The following PLEKHA1 variants were observed in gnomAD, a reference collection of about 807,000 sequenced individuals.
The protein encoded by PLEKHA1 is pleckstrin homology domain containing A1, also known as pleckstrin homology domain-containing family A member 1.
PLEKHA1 carries 34 observed loss-of-function variants against 52.0 expected under a neutral mutation model. The observed-to-expected ratio is 0.65, with a 90% CI of 0.50 to 0.87. The LOEUF (loss-of-function observed/expected upper bound fraction) is 0.87. Among genes scored for constraint, PLEKHA1 ranks in the 40% least tolerant of loss-of-function variants. PLEKHA1 has a pLI of 0.00. For synonymous variants in PLEKHA1, 163 were observed against 170.7 expected (o/e 0.95, Z 0.35); for missense variants, 497 against 504.2 (o/e 0.99, Z 0.14).
At chr10:122,396,614 C>T (rs2096852561) in intron 2 of PLEKHA1, among the ~76,000 whole-genome samples, 1 of 152,004 alleles carries the variant, frequency 6.6e-6, no homozygotes, top group Non-Finnish European at 1.5e-5. Flanking sequence ...AATGTCTAGG[C>T]TTCCAGTTAC....
chr10:122,427,447 C>A (rs1000381532), intron 11 of PLEKHA1, among the ~76,000 whole-genome samples: 2 of 152,092 alleles, frequency 1.3e-5, no homozygotes, highest in African/African-American at 4.8e-5. Flanking sequence ...GATTTCAGTT[C>A]AGGTTTTTTG....
At chr10:122,429,528 G>GTGTGTGTGTGTA in intron 11 of PLEKHA1, 96 bp from the exon 12 acceptor site, 1 of 802,718 alleles carries the variant, frequency 1.2e-6, no homozygotes, top group African/African-American at 2.0e-5. Context: ...GTGTGTGTGT[G>GTGTGTGTGTGTA]TGTTTTATTT....
At chr10:122,418,131 T>G (rs1022548361) in intron 8 of PLEKHA1, 163 bp downstream of exon 8, 2 of 501,506 alleles carry the variant, frequency 4.0e-6, no homozygotes, top group Non-Finnish European at 6.9e-6. Flanking sequence ...TAATGATATT[T>G]TTCTTAAATA....
At chr10:122,418,020 A>G (rs767199139) in intron 8 of PLEKHA1, 52 bp downstream of exon 8, 2 of 1,388,138 alleles carry the variant, frequency 1.4e-6, no homozygotes, top group Non-Finnish European at 2.0e-6. Context: ...AAAGTGTTGC[A>G]ATGTAGTGAT....
In PLEKHA1 at chr10:122,384,773, G is replaced by C. The variant is rs148581818; in HGVS notation, c.-20-8408G>C. On this transcript the variant is annotated intron_variant, in intron 1 of 11. Coordinates refer to ENST00000368990, the MANE Select transcript of PLEKHA1 (RefSeq NM_001001974.4). ...TTTGAGACCAGCCTGGCCAAACATG[G>C]TGAAACCCTGTCTCTACTGAAAATA... 4.4e-3 allele frequency among the ~76,000 whole-genome samples: 667 copies of C among 152,214 alleles called. 3 individuals carry two copies. Among genetic ancestry groups the C allele is most frequent in the African/African-American group, 0.015 (635 of 41,544 alleles).
intron 4 of PLEKHA1, among the ~76,000 whole-genome samples, chr10:122,405,899 C>G (rs2097005546): frequency 6.6e-6 from 1 of 152,060 alleles, no homozygotes; most frequent in Non-Finnish European, 1.5e-5. Flanking sequence ...CAGCAGGAGT[C>G]AAGGAGAGTC....
intron 1 of PLEKHA1, among the ~76,000 whole-genome samples, chr10:122,378,740 A>C (rs1590183741): frequency 1.7e-5 from 1 of 59,370 alleles, no homozygotes; most frequent in African/African-American, 4.6e-5. Flanking sequence ...CCCTGTCTCC[A>C]AAAAAAAAAA....
chr10:122,410,362 A>G (rs931010496), intron 5 of PLEKHA1, among the ~76,000 whole-genome samples: 2 of 152,236 alleles, frequency 1.3e-5, no homozygotes, highest in African/African-American at 4.8e-5. Context: ...GAGGCAGTAG[A>G]CAAAGAAACC....
chr10:122,430,209 T>A lies in PLEKHA1; in HGVS notation c.*271T>A, dbSNP rs2097404844. Reference sequence around the variant, plus strand: ...TGTTCTCATTCGGGTGGTAACAATGTATGTGTAATATTTTTTTCTTAGTGA... The same window carrying A: ...TGTTCTCATTCGGGTGGTAACAATGAATGTGTAATATTTTTTTCTTAGTGA... On this transcript the variant is annotated 3_prime_UTR_variant, in exon 12 of 12. Transcript: ENST00000368990. 3.3e-6 allele frequency: 1 copy of A among 299,374 alleles called. No individual in the cohort carries two copies. The highest frequency in any genetic ancestry group is 6.1e-6 in the Non-Finnish European group (1 of 164,284). The allele number at this position is 299,374 out of a possible 1,614,324, so 18.5% of individuals were successfully genotyped here.
chr10:122,421,442 T>C (rs2097258443), intron 8 of PLEKHA1: 1 of 152,212 alleles, frequency 6.6e-6, no homozygotes, highest in African/African-American at 2.4e-5. Context: ...AACTGAATTC[T>C]TTTGCTCTAA....
intron 6 of PLEKHA1, among the ~76,000 whole-genome samples, chr10:122,415,402 G>T (rs2097159793): frequency 6.6e-6 from 1 of 152,200 alleles, no homozygotes; most frequent in African/African-American, 2.4e-5. Context: ...TGATAAAACT[G>T]CATAGAACTG....
intron 3 of PLEKHA1, among the ~76,000 whole-genome samples, chr10:122,399,923 C>T (rs2096904836): frequency 6.6e-6 from 1 of 152,102 alleles, no homozygotes; most frequent in Admixed American, 6.5e-5. Flanking sequence ...TCCTCTTTAC[C>T]CAGCCCCATT....
chr10:122,436,875 C>G (rs1432521280), downstream of PLEKHA1: 5 of 151,924 alleles, frequency 3.3e-5, no homozygotes, highest in Non-Finnish European at 7.4e-5. Flanking sequence ...TCTCTTAAGG[C>G]TCCATTGCCT....
chr10:122,419,919 A>G (rs2097234794), intron 8 of PLEKHA1: 1 of 152,160 alleles, frequency 6.6e-6, no homozygotes, highest in Non-Finnish European at 1.5e-5. Context: ...CCCAGTTTTA[A>G]CATTTCTGAA....
intron 10 of PLEKHA1, among the ~76,000 whole-genome samples, chr10:122,426,290 ATT>A (rs201108557): frequency 8.6e-4 from 120 of 139,226 alleles, no homozygotes; most frequent in Non-Finnish European, 8.0e-4. Context: ...GGCTACTTGT[ATT>A]TTTTTTTTTT....
At chr10:122,412,230 A>G (rs1192154536) in intron 5 of PLEKHA1, 1 of 152,210 alleles carries the variant, frequency 6.6e-6, no homozygotes, top group Non-Finnish European at 1.5e-5. Flanking sequence ...ACGATTTATC[A>G]TTGATCCAAG....
intron 1 of PLEKHA1, among the ~76,000 whole-genome samples, chr10:122,389,225 T>G (rs759639777): frequency 2.6e-5 from 4 of 152,270 alleles, no homozygotes; most frequent in Admixed American, 6.5e-5. Flanking sequence ...ATGTGTTTCT[T>G]GAAAGTTGAA....
rs550231185 is a variant in PLEKHA1 at position 122,424,109 on chromosome 10, A to G, written c.682-90A>G. 3.4e-5 allele frequency: 49 copies of G among 1,447,026 alleles called. No homozygotes were observed. The African/African-American group carries it at 7.1e-4, about 21-fold the overall frequency. The allele number at this position is 1,447,026 out of a possible 1,614,324, so 89.6% of individuals were successfully genotyped here. A position where few individuals can be genotyped will look rare whatever the true frequency, so the allele number is the denominator to read the frequency against. ...TTCAGAAAAGAAGTGTGATTTTCAC[A>G]TGGGTCTTCAAATAAGACAGCTAAC... On this transcript the variant is annotated intron_variant, in intron 8 of 11. Transcript: ENST00000368990.
Position 122,406,571 on chromosome 10 carries a change from A to C in PLEKHA1, c.245-5A>C. On this transcript the variant is annotated splice_polypyrimidine_tract_variant and splice_region_variant and intron_variant, in intron 4 of 11. Transcript: ENST00000368990. ...ATTTGGTGTGTTATTTTTTTCTGTC[A>C]ACAGTTATGAATGCAGGAATGAGGA... 6.2e-7 allele frequency: 1 copy of C among 1,604,152 alleles called. No homozygotes were observed. Among genetic ancestry groups the C allele is most frequent in the South Asian group, 1.1e-5 (1 of 90,466 alleles).
Sources: allele counts gnomAD v4.1 joint callset (sites outside exome capture counted in the v4.1 genomes callset), GRCh38; gene constraint gnomAD v4.1.1; transcripts MANE v1.5; gene names NCBI Gene and HGNC (gene_info 2026-07-23, HGNC 2026-07-21).